The following XYLB variants were observed in gnomAD, a reference collection of about 807,000 sequenced individuals.
XYLB encodes the protein xylulose kinase.
A neutral mutation model predicts 78.7 loss-of-function variants in XYLB; 62 were observed. The observed-to-expected ratio is 0.79, with a 90% CI of 0.64 to 0.97. The LOEUF (loss-of-function observed/expected upper bound fraction) is 0.97, where lower values mean the gene tolerates loss of function less well. Ranked by LOEUF, XYLB falls within the 50% of genes least tolerant of loss-of-function variation. The probability of loss-of-function intolerance (pLI) is 0.00; values close to 1 mark genes in which losing one functional copy is unlikely to be tolerated. For synonymous variants in XYLB, 245 were observed against 247.4 expected (o/e 0.99, Z 0.09); for missense variants, 687 against 676.8 (o/e 1.02, Z -0.17).
chr3:38,395,628 G>C, intron 16 of XYLB, 65 bp downstream of exon 16: 1 of 1,545,012 alleles, frequency 6.5e-7, no homozygotes. Context: ...AAGAGCCAGA[G>C]ACTGGATAGG....
At chr3:38,404,522 A>T (rs1321236460) in intron 18 of XYLB, among the ~76,000 whole-genome samples, 1 of 152,204 alleles carries the variant, frequency 6.6e-6, no homozygotes, top group African/African-American at 2.4e-5. Flanking sequence ...AGTTGTTAAA[A>T]TACTTGGCTT....
Position 38,365,273 on chromosome 3 carries a change from C to T in XYLB, c.366C>T (p.His122=), listed in dbSNP as rs368062300. The T allele has an allele frequency of 1.9e-6, 3 of 1,614,100 alleles. No individual in the cohort carries two copies. The highest frequency in any genetic ancestry group is 2.5e-6 in the Non-Finnish European group (3 of 1,180,026). Residue 122 remains histidine, a synonymous_variant, in exon 5 of 19, where the codon CAC becomes CAT. Coordinates refer to ENST00000207870, the MANE Select transcript of XYLB (RefSeq NM_005108.4). ...LTSLSPDLRL[H]QQLQDCFSIS... is the part of the protein sequence containing the mutation. The stretch of plus-strand genomic sequence containing the variant: ...GCTTATCACCAGACCTCCGGCTACA[C>T]CAGCAGCTGCAGGTAACTGTGGCTA...
At chr3:38,396,064 A>G (rs780981314) in intron 16 of XYLB, among the ~76,000 whole-genome samples, 2 of 152,222 alleles carry the variant, frequency 1.3e-5, no homozygotes, top group Non-Finnish European at 2.9e-5. Flanking sequence ...AGAGCCTGTT[A>G]TGGAGACATT....
downstream of XYLB, among the ~76,000 whole-genome samples, chr3:38,424,643 C>T (rs937392151): frequency 6.6e-5 from 10 of 152,144 alleles, no homozygotes; most frequent in Admixed American, 6.5e-4. Context: ...GCTCAAAAAG[C>T]AGAGCTTGTA....
chr3:38,428,427 C>G, the XYLB span, among the ~76,000 whole-genome samples: 1 of 152,162 alleles, frequency 6.6e-6, no homozygotes, highest in African/African-American at 2.4e-5. Flanking sequence ...AGTAAAATCT[C>G]CAACCATAAT....
chr3:38,363,132 T>C (rs1231553087), intron 4 of XYLB, 115 bp downstream of exon 4: 2 of 727,794 alleles, frequency 2.7e-6, no homozygotes, highest in Non-Finnish European at 4.0e-6. Context: ...TGACAGCCAC[T>C]GCACAAATTT....
At position 38,407,758 on chromosome 3, in the gene XYLB, A is replaced by G. The variant is rs866862222; in HGVS notation, c.1534-5178A>G. 7.1e-3 allele frequency among the ~76,000 whole-genome samples: 1,087 copies of G among 152,096 alleles called. 9 individuals carry two copies. Among genetic ancestry groups the G allele is most frequent in the African/African-American group, 0.024 (980 of 41,536 alleles). ...CCTAGTCTCTGATAAAACAGACTTT[A>G]AACCAACAAAGATCAAAAGAGACAA... is the stretch of plus-strand genomic sequence containing the variant. On this transcript the variant is annotated intron_variant, in intron 18 of 18. Transcript: ENST00000207870.
chr3:38,429,851 C>G, the XYLB span, among the ~76,000 whole-genome samples: 1 of 152,156 alleles, frequency 6.6e-6, no homozygotes, highest in Non-Finnish European at 1.5e-5. Flanking sequence ...ATGATGGTTT[C>G]CAGCTTCATC....
intron 2 of XYLB, chr3:38,355,831 A>C: frequency 2.8e-6 from 2 of 702,602 alleles, no homozygotes; most frequent in East Asian, 5.4e-5. Flanking sequence ...CCCACTCCCC[A>C]CTCATGTTCC....
At chr3:38,441,252 A>G in the XYLB span, among the ~76,000 whole-genome samples, 10 of 152,184 alleles carry the variant, frequency 6.6e-5, no homozygotes, top group Non-Finnish European at 1.5e-4. Flanking sequence ...CTTGCTATCT[A>G]TATACACATT....
chr3:38,347,483 G>T (rs1350729065), intron 1 of XYLB, among the ~76,000 whole-genome samples: 1 of 152,044 alleles, frequency 6.6e-6, no homozygotes, highest in Non-Finnish European at 1.5e-5. Context: ...TTCGAGACCA[G>T]CCTGGGCAAT....
At chr3:38,418,194 C>CAA (rs56163697), downstream of XYLB, among the ~76,000 whole-genome samples, 6 of 106,816 alleles carry the variant, frequency 5.6e-5, no homozygotes, top group East Asian at 3.1e-4. Flanking sequence ...GACTCTGTCT[C>CAA]AAAAAAAAAA....
chr3:38,412,903 C>T (rs749625732), intron 18 of XYLB, 33 bp from the exon 19 acceptor site: 4 of 1,578,748 alleles, frequency 2.5e-6, no homozygotes, highest in African/African-American at 2.7e-5. Flanking sequence ...CATTTTCCCC[C>T]TCTGTTCTAA....
At chr3:38,433,606 C>A in the XYLB span, among the ~76,000 whole-genome samples, 2 of 152,178 alleles carry the variant, frequency 1.3e-5, no homozygotes, top group Non-Finnish European at 2.9e-5. Context: ...AGGGCAAGGG[C>A]AAAATGCTGC....
chr3:38,448,426 G>C, the XYLB span, among the ~76,000 whole-genome samples: 25 of 152,214 alleles, frequency 1.6e-4, no homozygotes, highest in African/African-American at 5.8e-4. Flanking sequence ...AATTTCTCAT[G>C]TCCTCCATGA....
chr3:38,431,897 T>G, the XYLB span, among the ~76,000 whole-genome samples: 7 of 152,178 alleles, frequency 4.6e-5, no homozygotes, highest in Non-Finnish European at 8.8e-5. Flanking sequence ...CCCCCATGAT[T>G]TAATTATCTC....
intron 2 of XYLB, among the ~76,000 whole-genome samples, chr3:38,349,284 C>T (rs1487545448): frequency 6.6e-6 from 1 of 152,190 alleles, no homozygotes; most frequent in Non-Finnish European, 1.5e-5. Flanking sequence ...GGAGGCTGGT[C>T]AGAGCTCCAT....
At chr3:38,381,615 G>A (rs964145712) in intron 15 of XYLB, among the ~76,000 whole-genome samples, 2 of 152,190 alleles carry the variant, frequency 1.3e-5, no homozygotes, top group African/African-American at 2.4e-5. Flanking sequence ...GAGAATGTGC[G>A]CCTGCGGGTA....
chr3:38,431,807 A>C, the XYLB span, among the ~76,000 whole-genome samples: 1 of 152,190 alleles, frequency 6.6e-6, no homozygotes, highest in Non-Finnish European at 1.5e-5. Flanking sequence ...CAGAATCAGC[A>C]CTGAGTGAAG....
Sources: allele counts gnomAD v4.1 joint callset (sites outside exome capture counted in the v4.1 genomes callset), GRCh38; gene constraint gnomAD v4.1.1; transcripts MANE v1.5; gene names NCBI Gene and HGNC (gene_info 2026-07-23, HGNC 2026-07-21).